GPC5: variants seen among roughly 807,000 people sequenced by gnomAD.
GPC5 encodes the protein glypican 5, also known as glypican-5.
In GPC5, 47 loss-of-function variants were observed where a neutral mutation model predicts 53.9. The observed-to-expected ratio is 0.87, with a 90% CI of 0.69 to 1.11. GPC5 has a LOEUF of 1.11. Ranked by LOEUF, GPC5 falls within the 50% of genes most tolerant of loss-of-function variation. The pLI is 0.00. For missense variants in GPC5, 748 were observed against 713.1 expected (o/e 1.05, Z -0.56); for synonymous variants, 286 against 263.3 (o/e 1.09, Z -0.84).
At chr13:91,703,133 A>G (rs1244345745) in intron 3 of GPC5, among the ~76,000 whole-genome samples, 1 of 152,072 alleles carries the variant, frequency 6.6e-6, no homozygotes. Context: ...GAGGCAATTT[A>G]ACTGTTTCCC....
chr13:92,757,770 A>G (rs1874956155), intron 7 of GPC5, among the ~76,000 whole-genome samples: 1 of 152,248 alleles, frequency 6.6e-6, no homozygotes, highest in Admixed American at 6.5e-5. Flanking sequence ...CGCAAATTAA[A>G]ACCACAATGA....
At chr13:92,359,296 A>C (rs2043547173) in intron 7 of GPC5, among the ~76,000 whole-genome samples, 1 of 151,610 alleles carries the variant, frequency 6.6e-6, no homozygotes, top group Non-Finnish European at 1.5e-5. Flanking sequence ...ATTTCCCAAT[A>C]AGTTCCTCAC....
At chr13:92,863,177 TTGG>T (rs1281533982) in intron 7 of GPC5, among the ~76,000 whole-genome samples, 1 of 152,180 alleles carries the variant, frequency 6.6e-6, no homozygotes. Context: ...AAGTATTGAC[TTGG>T]TGGTGCCAAG....
intron 7 of GPC5, among the ~76,000 whole-genome samples, chr13:92,543,525 C>T (rs532803324): frequency 3.3e-5 from 5 of 151,904 alleles, no homozygotes; most frequent in African/African-American, 9.7e-5. Context: ...TCAGCTCAGG[C>T]GTAGGGGATA....
chr13:91,460,872 C>T (rs1363453606), intron 2 of GPC5, among the ~76,000 whole-genome samples: 3 of 151,766 alleles, frequency 2.0e-5, no homozygotes, highest in Non-Finnish European at 4.4e-5. Context: ...AAATAAGATA[C>T]CTTTCTTTCC....
intron 7 of GPC5, among the ~76,000 whole-genome samples, chr13:92,678,250 G>T (rs1887010107): frequency 1.3e-5 from 2 of 152,140 alleles, no homozygotes; most frequent in Admixed American, 1.3e-4. Context: ...ATATAAGAAA[G>T]AAAATAATTA....
At chr13:91,654,121 G>A (rs2034788632) in intron 2 of GPC5, among the ~76,000 whole-genome samples, 1 of 152,084 alleles carries the variant, frequency 6.6e-6, no homozygotes, top group South Asian at 2.1e-4. Context: ...ATTTACCAGG[G>A]CAGTTTCACT....
intron 7 of GPC5, among the ~76,000 whole-genome samples, chr13:92,166,643 T>C (rs550474337): frequency 6.6e-6 from 1 of 152,138 alleles, no homozygotes; most frequent in Admixed American, 6.5e-5. Flanking sequence ...ATTGACTGTT[T>C]ACAGGTTTGT....
chr13:91,742,846 G>T lies in GPC5; in HGVS notation c.1155-13449G>T, dbSNP rs148959520. On this transcript the variant is annotated intron_variant, in intron 4 of 7. Coordinates refer to ENST00000377067, the MANE Select transcript of GPC5 (RefSeq NM_004466.6). ...ATTATGATATTTGCTGTCAACCTTAGGTTAGTGTGTGTGGAAATAAATCTC... is the reference window on the plus strand; with the variant it reads ...ATTATGATATTTGCTGTCAACCTTATGTTAGTGTGTGTGGAAATAAATCTC... 1.1e-3 allele frequency among the ~76,000 whole-genome samples: 164 copies of T among 152,008 alleles called. 1 individual carries two copies. The highest frequency in any genetic ancestry group is 3.7e-3 in the African/African-American group (154 of 41,486).
chr13:92,550,789 C>T (rs1194947335), intron 7 of GPC5, among the ~76,000 whole-genome samples: 3 of 151,882 alleles, frequency 2.0e-5, no homozygotes, highest in African/African-American at 7.2e-5. Context: ...GCAGCAACAA[C>T]AGCAGCATAT....
At chr13:91,705,836 G>A (rs1594455916) in intron 3 of GPC5, among the ~76,000 whole-genome samples, 2 of 151,108 alleles carry the variant, frequency 1.3e-5, no homozygotes, top group Admixed American at 6.6e-5. Flanking sequence ...AGCTCCTTGA[G>A]CCATCTCTAG....
At chr13:92,162,816 T>A (rs2041999409) in intron 7 of GPC5, among the ~76,000 whole-genome samples, 1 of 152,060 alleles carries the variant, frequency 6.6e-6, no homozygotes, top group Non-Finnish European at 1.5e-5. Context: ...AACTCAATAC[T>A]TTTTTTCTGT....
chr13:91,755,976 A>G (rs566311299), intron 4 of GPC5, among the ~76,000 whole-genome samples: 1 of 151,898 alleles, frequency 6.6e-6, no homozygotes, highest in East Asian at 1.9e-4. Context: ...ATGCATCAGT[A>G]TATACTATTC....
chr13:91,595,835 T>C (rs1004353021), intron 2 of GPC5, among the ~76,000 whole-genome samples: 4 of 152,254 alleles, frequency 2.6e-5, no homozygotes, highest in Non-Finnish European at 5.9e-5. Flanking sequence ...GCTGGCTTGC[T>C]GTCCCCACCA....
rs547069724 is a variant in GPC5 at position 91,510,962 on chromosome 13, T to C, written c.325+62040T>C. ...CATAACTAGATACCAGTATTTTCCT[T>C]TGATTTTTTTATACTGTACTGCTTT... On this transcript the variant is annotated intron_variant, in intron 2 of 7. Transcript: ENST00000377067. Among the ~76,000 whole-genome samples, 17 of 152,276 alleles carry C rather than the reference T, an allele frequency of 1.1e-4. 1 individual carries two copies. Among genetic ancestry groups the C allele is most frequent in the Admixed American group, 6.5e-4 (10 of 15,278 alleles).
At position 92,172,192 on chromosome 13, in the gene GPC5, A is replaced by T. The variant is rs79694530; in HGVS notation, c.1561+27203A>T. Among the ~76,000 whole-genome samples, 452 of 152,258 alleles carry T rather than the reference A, an allele frequency of 3.0e-3. 1 individual carries two copies. The highest frequency in any genetic ancestry group is 5.0e-3 in the Non-Finnish European group (340 of 68,002). On this transcript the variant is annotated intron_variant, in intron 7 of 7. Transcript: ENST00000377067. ...GAATGGGTGGATGGATGAGAAGGAGAGTACTTGTGTGTTTATAAAATTGAG... is the reference window on the plus strand; with the variant it reads ...GAATGGGTGGATGGATGAGAAGGAGTGTACTTGTGTGTTTATAAAATTGAG...
At chr13:92,247,900 T>C (rs1367738121) in intron 7 of GPC5, among the ~76,000 whole-genome samples, 2 of 152,278 alleles carry the variant, frequency 1.3e-5, no homozygotes, top group East Asian at 3.9e-4. Context: ...GAGTTAGGGA[T>C]ATTGCAGTAT....
At position 91,961,370 on chromosome 13, in the gene GPC5, A is replaced by T. The variant is rs574254847; in HGVS notation, c.1401+53313A>T. ...ATAGACAAATAGAATGATGGAACTG[A>T]ATAGAGCCCTGACTAGACACATTTA... On this transcript the variant is annotated intron_variant, in intron 6 of 7. Transcript: ENST00000377067. 9.9e-4 allele frequency among the ~76,000 whole-genome samples: 151 copies of T among 152,124 alleles called. 2 individuals carry two copies. Among genetic ancestry groups the T allele is most frequent in the Middle Eastern group, 3.4e-3 (1 of 294 alleles).
intron 6 of GPC5, among the ~76,000 whole-genome samples, chr13:92,134,697 T>C (rs2041769892): frequency 6.6e-6 from 1 of 152,196 alleles, no homozygotes. Flanking sequence ...TGATGGTTTC[T>C]GTTCCATTGG....
Sources: allele counts gnomAD v4.1 joint callset (sites outside exome capture counted in the v4.1 genomes callset), GRCh38; gene constraint gnomAD v4.1.1; transcripts MANE v1.5; gene names NCBI Gene and HGNC (gene_info 2026-07-23, HGNC 2026-07-21).